The following C12orf42 variants were observed in gnomAD, a reference collection of about 807,000 sequenced individuals.
C12orf42 encodes chromosome 12 open reading frame 42.
Under a neutral mutation model 21.6 loss-of-function variants are expected in C12orf42, and 25 were observed. The ratio of observed to expected loss-of-function variants is 1.16; its 90% CI spans 0.84 to 1.62. The LOEUF is 1.62. Among genes scored for constraint, C12orf42 ranks in the 40% most tolerant of loss-of-function variants. C12orf42 has a pLI of 0.00. For missense variants in C12orf42, 483 were observed against 459.3 expected, an observed-to-expected ratio of 1.05 and a Z score of -0.47; for synonymous variants, 174 against 175.0, an observed-to-expected ratio of 0.99 and a Z score of 0.05.
intron 2 of C12orf42, among the ~76,000 whole-genome samples, chr12:103,459,346 G>T (rs894560396): frequency 6.6e-6 from 1 of 152,304 alleles, no homozygotes; most frequent in South Asian, 2.1e-4. Context: ...TGCAAGTGGG[G>T]TCTTGTAGGA....
chr12:103,402,535 C>G (rs1398692523), intron 2 of C12orf42, among the ~76,000 whole-genome samples: 1 of 152,172 alleles, frequency 6.6e-6, no homozygotes, highest in Non-Finnish European at 1.5e-5. Flanking sequence ...AAATCTGTCA[C>G]CAGGATACAA....
chr12:103,307,173 G>A (rs1593360982), intron 4 of C12orf42, among the ~76,000 whole-genome samples: 1 of 152,136 alleles, frequency 6.6e-6, no homozygotes, highest in Non-Finnish European at 1.5e-5. Context: ...ACCAATACAG[G>A]CTTAGAGCAA....
the C12orf42 span, among the ~76,000 whole-genome samples, chr12:103,165,095 G>A: frequency 6.6e-6 from 1 of 152,318 alleles, no homozygotes; most frequent in African/African-American, 2.4e-5. Context: ...CACATAGTCT[G>A]TGTTCCTGGA....
At chr12:103,558,586 C>A in the C12orf42 span, 28 of 152,218 alleles carry the variant, frequency 1.8e-4, no homozygotes, top group African/African-American at 6.0e-4. Flanking sequence ...CCCCAAATGT[C>A]ATTCTCTAGC....
chr12:103,487,644 T>C (rs1361232728), intron 1 of C12orf42, among the ~76,000 whole-genome samples: 1 of 152,242 alleles, frequency 6.6e-6, no homozygotes, highest in African/African-American at 2.4e-5. Context: ...TGCTCCTGCA[T>C]TGGGTGCATA....
chr12:103,422,121 GC>G (rs1008901973), intron 2 of C12orf42, among the ~76,000 whole-genome samples: 1 of 152,244 alleles, frequency 6.6e-6, no homozygotes, highest in Admixed American at 6.5e-5. Context: ...CTGATTGAAA[GC>G]CCTATTTTTG....
At chr12:103,074,823 C>T in the C12orf42 span, among the ~76,000 whole-genome samples, 28 of 152,266 alleles carry the variant, frequency 1.8e-4, no homozygotes, top group Middle Eastern at 6.8e-3. Context: ...TAATGGCTCA[C>T]GCCTCTAATC....
chr12:103,469,723 C>T (rs1953439537), intron 2 of C12orf42, among the ~76,000 whole-genome samples: 2 of 152,152 alleles, frequency 1.3e-5, no homozygotes, highest in South Asian at 4.1e-4. Context: ...GATGTTTCAA[C>T]ATATTTGATA....
chr12:103,546,227 C>T, the C12orf42 span, among the ~76,000 whole-genome samples: 1 of 152,146 alleles, frequency 6.6e-6, no homozygotes, highest in Non-Finnish European at 1.5e-5. Context: ...TGATTCAATA[C>T]TAACTTCTTT....
At chr12:103,353,076 G>A (rs937592046) in intron 4 of C12orf42, among the ~76,000 whole-genome samples, 8 of 152,056 alleles carry the variant, frequency 5.3e-5, no homozygotes, top group African/African-American at 1.9e-4. Context: ...TGCAAGTAAA[G>A]AACCTCACTG....
At chr12:103,345,451 C>T (rs150603303) in intron 4 of C12orf42, among the ~76,000 whole-genome samples, 179 of 152,224 alleles carry the variant, frequency 1.2e-3, no homozygotes, top group Non-Finnish European at 2.1e-3. Flanking sequence ...ATCATTATTC[C>T]AGTGCCATCC....
chr12:103,294,588 GAAAGAAAGAAAGAAA>G (rs1566025913), intron 4 of C12orf42, among the ~76,000 whole-genome samples: 7 of 71,988 alleles, frequency 9.7e-5, no homozygotes, highest in East Asian at 1.0e-3. Context: ...AGGAAGGAAA[GAAAGAAAGAAAGAAA>G]GAAAGAAAGA....
At chr12:103,525,968 G>C in the C12orf42 span, among the ~76,000 whole-genome samples, 4 of 152,200 alleles carry the variant, frequency 2.6e-5, no homozygotes, top group African/African-American at 9.7e-5. Context: ...GGAGGTTGCA[G>C]TGAGCCAAGA....
intron 4 of C12orf42, among the ~76,000 whole-genome samples, chr12:103,313,783 G>A (rs565353311): frequency 3.9e-5 from 6 of 152,172 alleles, no homozygotes; most frequent in East Asian, 3.9e-4. Flanking sequence ...AAATTATATC[G>A]TTTTCATCCA....
At chr12:103,248,579 T>G (rs1293254621) in intron 10 of C12orf42, among the ~76,000 whole-genome samples, 4 of 152,054 alleles carry the variant, frequency 2.6e-5, no homozygotes. Flanking sequence ...ATAATATATT[T>G]CTGACCCCTT....
At chr12:103,387,824 C>T (rs772629644) in intron 3 of C12orf42, among the ~76,000 whole-genome samples, 3 of 152,184 alleles carry the variant, frequency 2.0e-5, no homozygotes, top group South Asian at 2.1e-4. Context: ...AACAAGACTG[C>T]GCTCTGCCAT....
chr12:103,509,156 A>G, the C12orf42 span, among the ~76,000 whole-genome samples: 1 of 152,188 alleles, frequency 6.6e-6, no homozygotes, highest in South Asian at 2.1e-4. Flanking sequence ...TAGCAGCTTT[A>G]TGAGTAGTCA....
the C12orf42 span, among the ~76,000 whole-genome samples, chr12:103,200,877 A>G: frequency 6.6e-6 from 1 of 152,232 alleles, no homozygotes; most frequent in Non-Finnish European, 1.5e-5. Flanking sequence ...GAACAATTAC[A>G]ATCAACACAT....
intron 10 of C12orf42, among the ~76,000 whole-genome samples, chr12:103,239,112 T>C (rs1320785399): frequency 6.6e-6 from 1 of 152,318 alleles, no homozygotes; most frequent in East Asian, 1.9e-4. Context: ...AGGCTACAAA[T>C]AGGCACTCTA....
Sources: gnomAD v4.1 joint callset for allele counts (sites outside exome capture counted in the v4.1 genomes callset) on GRCh38, gnomAD v4.1.1 for gene constraint, MANE v1.5 for transcripts, NCBI Gene and HGNC (gene_info 2026-07-23, HGNC 2026-07-21) for gene names.